ELMO1: variants seen among roughly 807,000 people sequenced by gnomAD.
The protein encoded by ELMO1 is engulfment and cell motility 1.
Under a neutral mutation model 98.9 loss-of-function variants are expected in ELMO1, and 26 were observed. The ratio of observed to expected loss-of-function variants is 0.26; its 90% CI spans 0.19 to 0.36. The LOEUF (loss-of-function observed/expected upper bound fraction) is 0.36, where lower values mean the gene tolerates loss of function less well. Ranked by LOEUF, ELMO1 falls within the 10% of genes least tolerant of loss-of-function variation. The probability of loss-of-function intolerance (pLI) is 1.00; values close to 1 mark genes in which losing one functional copy is unlikely to be tolerated. For synonymous variants in ELMO1, 346 were observed against 346.0 expected (o/e 1.00, Z 0.00); for missense variants, 627 against 935.2 (o/e 0.67, Z 4.30).
intron 5 of ELMO1, among the ~76,000 whole-genome samples, chr7:37,266,595 C>A (rs1796252986): frequency 6.6e-6 from 1 of 152,168 alleles, no homozygotes; most frequent in South Asian, 2.1e-4. Context: ...TCATAGTTTG[C>A]AATCTTGACA....
chr7:37,074,157 A>C (rs1023206744), intron 15 of ELMO1, among the ~76,000 whole-genome samples: 1 of 148,152 alleles, frequency 6.7e-6, no homozygotes, highest in Admixed American at 6.8e-5. Context: ...CTATATATTT[A>C]TGTATATATG....
At chr7:37,307,074 G>C (rs1225263380) in intron 4 of ELMO1, among the ~76,000 whole-genome samples, 2 of 152,100 alleles carry the variant, frequency 1.3e-5, no homozygotes, top group Admixed American at 1.3e-4. Context: ...CTTTCTCATT[G>C]CAGCACATTA....
At chr7:36,953,754 G>C (rs1214676470) in intron 16 of ELMO1, among the ~76,000 whole-genome samples, 1 of 151,724 alleles carries the variant, frequency 6.6e-6, no homozygotes, top group African/African-American at 2.4e-5. Flanking sequence ...GCAACTTAAA[G>C]GTGTATGTGT....
chr7:36,943,320 G>A (rs781701116), intron 16 of ELMO1, among the ~76,000 whole-genome samples: 10 of 152,112 alleles, frequency 6.6e-5, no homozygotes, highest in Non-Finnish European at 8.8e-5. Context: ...AGAGTAACAC[G>A]GTGTTTATAT....
At chr7:37,279,331 C>T (rs561453743) in intron 4 of ELMO1, among the ~76,000 whole-genome samples, 1 of 152,154 alleles carries the variant, frequency 6.6e-6, no homozygotes, top group Admixed American at 6.5e-5. Context: ...ATCATCATGG[C>T]GGACGGGAGG....
intron 1 of ELMO1, among the ~76,000 whole-genome samples, chr7:37,401,833 TGA>T: frequency 6.6e-6 from 1 of 152,248 alleles, no homozygotes. Flanking sequence ...TCAAGCCATA[TGA>T]GAGAGACTCC....
At chr7:37,083,065 T>A (rs1422820264) in intron 15 of ELMO1, among the ~76,000 whole-genome samples, 2 of 152,210 alleles carry the variant, frequency 1.3e-5, no homozygotes, top group Non-Finnish European at 2.9e-5. Context: ...AATCCCAGCA[T>A]TTCCCCGCCT....
At chr7:36,895,197 T>G (rs1318221181) in intron 16 of ELMO1, among the ~76,000 whole-genome samples, 180 bp from the exon 17 acceptor site, 1 of 152,152 alleles carries the variant, frequency 6.6e-6, no homozygotes, top group Non-Finnish European at 1.5e-5. Flanking sequence ...CATTTTCTCT[T>G]GCATTGCTGG....
chr7:37,155,987 G>A (rs1788734930), intron 13 of ELMO1, among the ~76,000 whole-genome samples: 1 of 152,176 alleles, frequency 6.6e-6, no homozygotes, highest in Admixed American at 6.5e-5. Flanking sequence ...TCACACCACA[G>A]TGCCATCAAA....
At chr7:36,971,786 C>G (rs1049476961) in intron 16 of ELMO1, among the ~76,000 whole-genome samples, 1 of 152,184 alleles carries the variant, frequency 6.6e-6, no homozygotes, top group Non-Finnish European at 1.5e-5. Flanking sequence ...TAACTGCCAA[C>G]TGGTGTCGGA....
chr7:37,015,730 T>A (rs1457384824), intron 15 of ELMO1, among the ~76,000 whole-genome samples: 2 of 152,216 alleles, frequency 1.3e-5, no homozygotes, highest in African/African-American at 4.8e-5. Context: ...AACACCGATA[T>A]GGAGGGAAGT....
At chr7:37,214,806 GTTC>G (rs1172683175) in intron 11 of ELMO1, among the ~76,000 whole-genome samples, 1 of 152,198 alleles carries the variant, frequency 6.6e-6, no homozygotes, top group East Asian at 1.9e-4. Context: ...TGCACTCCAA[GTTC>G]TTGCAGGAGA....
At chr7:37,393,230 G>C (rs1803157626) in intron 1 of ELMO1, among the ~76,000 whole-genome samples, 1 of 152,140 alleles carries the variant, frequency 6.6e-6, no homozygotes, top group African/African-American at 2.4e-5. Flanking sequence ...AACAACTTGA[G>C]AGTAACTTGC....
intron 4 of ELMO1, among the ~76,000 whole-genome samples, chr7:37,307,767 T>G (rs993230751): frequency 1.3e-5 from 2 of 152,212 alleles, no homozygotes; most frequent in Non-Finnish European, 2.9e-5. Context: ...ATGTTTTCCT[T>G]GGACTCAAAG....
chr7:37,051,774 G>A (rs985901473), intron 15 of ELMO1, among the ~76,000 whole-genome samples: 1 of 152,156 alleles, frequency 6.6e-6, no homozygotes, highest in African/African-American at 2.4e-5. Context: ...TGTCTTCTGT[G>A]CAGGTTTTTA....
At chr7:36,983,466 C>G (rs953115545) in intron 16 of ELMO1, among the ~76,000 whole-genome samples, 3 of 152,220 alleles carry the variant, frequency 2.0e-5, no homozygotes, top group Non-Finnish European at 2.9e-5. Flanking sequence ...CCCCTATATA[C>G]TCACTCTCCT....
chr7:37,179,279 CTTT>C (rs67076734), intron 13 of ELMO1, among the ~76,000 whole-genome samples: 12 of 135,332 alleles, frequency 8.9e-5, no homozygotes, highest in Admixed American at 5.2e-4. Flanking sequence ...GCATATAGCT[CTTT>C]TTTTTTTTTT....
intron 13 of ELMO1, among the ~76,000 whole-genome samples, chr7:37,188,409 TAC>T (rs566236838): frequency 0.017 from 1,969 of 115,824 alleles, 22 homozygotes; most frequent in African/African-American, 0.036. Flanking sequence ...TGCTTCTTGT[TAC>T]ACACACACAC....
At chr7:37,376,521 G>T (rs145157000) in intron 1 of ELMO1, among the ~76,000 whole-genome samples, 1 of 152,256 alleles carries the variant, frequency 6.6e-6, no homozygotes, top group African/African-American at 2.4e-5. Flanking sequence ...GCATTCTGGT[G>T]AACCGACTAC....
Sources: gnomAD v4.1 joint callset for allele counts (sites outside exome capture counted in the v4.1 genomes callset) on GRCh38, gnomAD v4.1.1 for gene constraint, MANE v1.5 for transcripts, NCBI Gene and HGNC (gene_info 2026-07-23, HGNC 2026-07-21) for gene names.